The following SEL1L2 variants were observed in gnomAD, a reference collection of about 807,000 sequenced individuals.
SEL1L2 encodes the protein protein sel-1 homolog 2.
In SEL1L2, 89 loss-of-function variants were observed where a neutral mutation model predicts 98.8. The observed-to-expected ratio is 0.90, with a 90% CI of 0.76 to 1.07. The LOEUF (loss-of-function observed/expected upper bound fraction) is 1.07. Among genes scored for constraint, SEL1L2 ranks in the 50% least tolerant of loss-of-function variants. The pLI is 0.00. For synonymous variants in SEL1L2, 262 were observed against 278.5 expected, an observed-to-expected ratio of 0.94 and a Z score of 0.59; for missense variants, 788 against 812.0, an observed-to-expected ratio of 0.97 and a Z score of 0.36.
chr20:13,938,830 T>A (rs1223325726), intron 2 of SEL1L2, among the ~76,000 whole-genome samples: 1 of 152,042 alleles, frequency 6.6e-6, no homozygotes, highest in Non-Finnish European at 1.5e-5. Flanking sequence ...ATATTAACTG[T>A]TATTACTATA....
intron 18 of SEL1L2, among the ~76,000 whole-genome samples, chr20:13,857,440 A>G (rs1352471199): frequency 1.3e-5 from 2 of 152,202 alleles, no homozygotes; most frequent in East Asian, 1.9e-4. Context: ...GGTGACTCCA[A>G]AGAGGAAAAC....
intron 1 of SEL1L2, among the ~76,000 whole-genome samples, chr20:13,973,058 A>G (rs761883553): frequency 6.6e-6 from 1 of 151,974 alleles, no homozygotes; most frequent in Non-Finnish European, 1.5e-5. Context: ...CCTTTATTTC[A>G]TATGTATCAC....
At chr20:13,850,763 C>T (rs1161239905) in intron 18 of SEL1L2, among the ~76,000 whole-genome samples, 1 of 152,292 alleles carries the variant, frequency 6.6e-6, no homozygotes, top group Admixed American at 6.5e-5. Context: ...AAACTGAAGA[C>T]CCAGTCAGAT....
At chr20:13,916,212 C>A (rs1257875766) in intron 4 of SEL1L2, among the ~76,000 whole-genome samples, 1 of 152,196 alleles carries the variant, frequency 6.6e-6, no homozygotes, top group Admixed American at 6.5e-5. Context: ...GTGGAGGAGC[C>A]AAAAGGATAG....
chr20:13,870,187 A>C lies in SEL1L2; in HGVS notation c.1121T>G (p.Leu374Arg), dbSNP rs35289187. The part of the protein sequence containing the change: ...MAASKGNAIG[L>R]HGLGLLYFHG... ...AAAGTAAAGAAGACCAAGCCCATGA[A>C]GGCCGATTGCATTGCCCTAGAAGAG... Residue 374 changes from leucine (L) to arginine (R), a missense_variant, in exon 13 of 20, where the codon CTT becomes CGT. By Grantham distance (102) the Leu-to-Arg change is moderately radical (BLOSUM62 -2). Coordinates refer to ENST00000284951, the MANE Select transcript of SEL1L2 (RefSeq NM_025229.2). 23 of 1,611,478 alleles carry C rather than the reference A, an allele frequency of 1.4e-5. No homozygotes were observed. Among genetic ancestry groups the C allele is most frequent in the Non-Finnish European group, 2.0e-5 (23 of 1,178,154 alleles).
intron 1 of SEL1L2, among the ~76,000 whole-genome samples, chr20:13,964,344 C>T (rs1000688249): frequency 5.9e-5 from 9 of 152,002 alleles, no homozygotes; most frequent in African/African-American, 2.2e-4. Flanking sequence ...ATAGGAAGAG[C>T]CAGCCCAAGG....
chr20:13,907,927 G>T (rs2048036726), intron 5 of SEL1L2, among the ~76,000 whole-genome samples: 1 of 147,004 alleles, frequency 6.8e-6, no homozygotes, highest in African/African-American at 2.5e-5. Flanking sequence ...CCCGGCACGT[G>T]CCAGCACTCC....
chr20:13,904,316 G>A (rs1355969382), intron 5 of SEL1L2, among the ~76,000 whole-genome samples: 3 of 152,154 alleles, frequency 2.0e-5, no homozygotes, highest in Admixed American at 6.5e-5. Flanking sequence ...ATCACTTGAG[G>A]TCAGGAGTTT....
intron 5 of SEL1L2, among the ~76,000 whole-genome samples, chr20:13,906,686 T>A (rs547623199): frequency 2.8e-4 from 43 of 152,320 alleles, no homozygotes; most frequent in African/African-American, 9.9e-4. Flanking sequence ...TTTAATTTTT[T>A]AAATTTTTTT....
At chr20:13,969,949 A>C (rs2051208703) in intron 1 of SEL1L2, among the ~76,000 whole-genome samples, 1 of 151,720 alleles carries the variant, frequency 6.6e-6, no homozygotes, top group Admixed American at 6.6e-5. Context: ...CTCCCTTGTC[A>C]CTTATGTTAG....
At chr20:13,933,162 T>C (rs1002738768) in intron 2 of SEL1L2, among the ~76,000 whole-genome samples, 3 of 151,922 alleles carry the variant, frequency 2.0e-5, no homozygotes, top group Admixed American at 6.6e-5. Flanking sequence ...GGAGCTGAGA[T>C]TGCGCCACTG....
chr20:13,861,598 C>T (rs917758671), intron 17 of SEL1L2, among the ~76,000 whole-genome samples: 6 of 152,102 alleles, frequency 3.9e-5, no homozygotes, highest in Non-Finnish European at 8.8e-5. Flanking sequence ...CAAGCATTAC[C>T]ACAATTTTAG....
intron 3 of SEL1L2, among the ~76,000 whole-genome samples, chr20:13,925,604 A>G (rs1448532710): frequency 6.6e-6 from 1 of 152,234 alleles, no homozygotes; most frequent in Non-Finnish European, 1.5e-5. Flanking sequence ...TTCCCTTCTC[A>G]AAAGTCCTAA....
intron 18 of SEL1L2, among the ~76,000 whole-genome samples, chr20:13,851,997 G>A (rs1276550085): frequency 6.6e-6 from 1 of 152,146 alleles, no homozygotes; most frequent in East Asian, 1.9e-4. Flanking sequence ...TCAGGAGATT[G>A]GAACAAATCT....
intron 12 of SEL1L2, among the ~76,000 whole-genome samples, chr20:13,871,159 T>C (rs2046175511): frequency 1.3e-5 from 2 of 152,144 alleles, no homozygotes. Context: ...AATCACATTT[T>C]AGAGACTCTG....
intron 5 of SEL1L2, among the ~76,000 whole-genome samples, chr20:13,904,646 T>C (rs1315466368): frequency 6.6e-6 from 1 of 152,190 alleles, no homozygotes; most frequent in African/African-American, 2.4e-5. Context: ...TTACTGCCAA[T>C]GGAAGGCATC....
chr20:13,968,843 T>G lies in SEL1L2; in HGVS notation c.59-12712A>C, dbSNP rs564668427. 1.8e-4 allele frequency among the ~76,000 whole-genome samples: 27 copies of G among 152,352 alleles called. 1 individual carries two copies. In the East Asian group the frequency reaches 5.2e-3, roughly 29 times the overall value. On this transcript the variant is annotated intron_variant, in intron 1 of 19. Coordinates refer to ENST00000284951, the MANE Select transcript of SEL1L2 (RefSeq NM_025229.2). The stretch of plus-strand genomic sequence containing the variant: ...TACAATAGCTCGACATTAAATGTAT[T>G]AGCTTGACATTAAACAGAAATTACA...
intron 2 of SEL1L2, among the ~76,000 whole-genome samples, chr20:13,954,447 T>C (rs2050425163): frequency 6.6e-6 from 1 of 152,166 alleles, no homozygotes; most frequent in Admixed American, 6.5e-5. Context: ...CATCTGTGCT[T>C]GGGCCAATGG....
chr20:13,869,529 T>A lies in SEL1L2; in HGVS notation c.1229A>T (p.Gln410Leu). The A allele has an allele frequency of 6.2e-7, 1 of 1,614,164 alleles. No individual in the cohort carries two copies. Among genetic ancestry groups the A allele is most frequent in the Non-Finnish European group, 8.5e-7 (1 of 1,179,980 alleles). The stretch of plus-strand genomic sequence containing the variant: ...GTAGTACATGAAGCCTAACTGGAAC[T>A]GTGCGTCGGGCCACCCTTTTTCCGC... ...KAAEKGWPDA[Q>L]FQLGFMYYSG... The change falls in exon 14 of 20, where the codon CAG becomes CTG. Residue 410 changes from glutamine to leucine, a missense_variant. Gln to Leu is a moderately radical substitution (Grantham distance 113). Coordinates refer to ENST00000284951, the MANE Select transcript of SEL1L2 (RefSeq NM_025229.2).
Sources: gnomAD v4.1 joint callset for allele counts (sites outside exome capture counted in the v4.1 genomes callset) on GRCh38, gnomAD v4.1.1 for gene constraint, MANE v1.5 for transcripts, NCBI Gene and HGNC (gene_info 2026-07-23, HGNC 2026-07-21) for gene names.